RORB: variants seen among roughly 807,000 people sequenced by gnomAD.
The protein encoded by RORB is RAR related orphan receptor B, also known as nuclear receptor ROR-beta.
RORB carries 6 observed loss-of-function variants against 59.1 expected under a neutral mutation model. The observed-to-expected ratio is 0.10, with a 90% CI of 0.06 to 0.20. RORB has a LOEUF of 0.20. RORB is among the 10% of genes least tolerant of loss of function. The pLI, the probability that RORB is intolerant of heterozygous loss-of-function variation, is 1.00. For synonymous variants in RORB, 215 were observed against 204.5 expected (o/e 1.05, Z -0.44); for missense variants, 320 against 560.5 (o/e 0.57, Z 4.33).
At chr9:74,661,826 T>C (rs988340398) in intron 5 of RORB, among the ~76,000 whole-genome samples, 2 of 151,702 alleles carry the variant, frequency 1.3e-5, no homozygotes, top group African/African-American at 4.8e-5. Flanking sequence ...TTTGTATTTT[T>C]AGTAGAGACA....
chr9:74,640,573 G>A (rs978165381), intron 3 of RORB, among the ~76,000 whole-genome samples: 16 of 152,044 alleles, frequency 1.1e-4, no homozygotes, highest in Non-Finnish European at 1.3e-4. Flanking sequence ...GCAAGCCACC[G>A]CACCCAGCCC....
At chr9:74,608,075 A>G (rs773312127) in intron 1 of RORB, among the ~76,000 whole-genome samples, 4 of 152,190 alleles carry the variant, frequency 2.6e-5, no homozygotes, top group Non-Finnish European at 5.9e-5. Flanking sequence ...TGAAAGTTCC[A>G]TGAAGTAAGG....
chr9:74,666,519 G>T (rs760244201), intron 7 of RORB, among the ~76,000 whole-genome samples: 4 of 151,554 alleles, frequency 2.6e-5, no homozygotes, highest in Admixed American at 6.6e-5. Flanking sequence ...GAGTAAAAGA[G>T]CTGGGCTGAA....
chr9:74,624,270 C>T (rs556068129), intron 1 of RORB, among the ~76,000 whole-genome samples: 1 of 152,226 alleles, frequency 6.6e-6, no homozygotes, highest in South Asian at 2.1e-4. Flanking sequence ...CAGCCCACCA[C>T]CCAGAGTATT....
intron 1 of RORB, among the ~76,000 whole-genome samples, chr9:74,561,889 C>G (rs1032130576): frequency 6.6e-6 from 1 of 152,168 alleles, no homozygotes; most frequent in East Asian, 1.9e-4. Flanking sequence ...TTTCTTGTCT[C>G]TCATGACCTT....
intron 4 of RORB, among the ~76,000 whole-genome samples, chr9:74,650,277 C>G (rs1461761868): frequency 6.6e-6 from 1 of 152,174 alleles, no homozygotes; most frequent in East Asian, 1.9e-4. Context: ...CAAGCTTTGA[C>G]ATTGGCTTTT....
intron 1 of RORB, among the ~76,000 whole-genome samples, chr9:74,519,300 T>C (rs1826052075): frequency 6.6e-6 from 1 of 151,988 alleles, no homozygotes; most frequent in Admixed American, 6.6e-5. Flanking sequence ...GGGAAGTATT[T>C]AGAGAAGTCA....
intron 3 of RORB, among the ~76,000 whole-genome samples, chr9:74,641,725 G>GC (rs1370964324): frequency 6.6e-6 from 1 of 151,318 alleles, no homozygotes; most frequent in Admixed American, 6.6e-5. Context: ...ATATAGCAAG[G>GC]CCCCGGCTCT....
chr9:74,623,878 A>T (rs1823464819), intron 1 of RORB, among the ~76,000 whole-genome samples: 1 of 152,224 alleles, frequency 6.6e-6, no homozygotes, highest in Non-Finnish European at 1.5e-5. Context: ...TTCCTAAAGT[A>T]TGAGTTCAAA....
chr9:74,501,031 T>G (rs1259847823), intron 1 of RORB, among the ~76,000 whole-genome samples: 1 of 152,066 alleles, frequency 6.6e-6, no homozygotes, highest in East Asian at 1.9e-4. Flanking sequence ...GAGAAAGAAG[T>G]GAGCCGAGGT....
intron 1 of RORB, among the ~76,000 whole-genome samples, chr9:74,599,460 A>G (rs1487691078): frequency 6.6e-6 from 1 of 152,196 alleles, no homozygotes; most frequent in Non-Finnish European, 1.5e-5. Flanking sequence ...TGACATTATG[A>G]GTGCTATCTA....
chr9:74,618,490 T>C (rs780886221), intron 1 of RORB, among the ~76,000 whole-genome samples: 2 of 152,232 alleles, frequency 1.3e-5, no homozygotes. Flanking sequence ...AAATTGGTTC[T>C]GATCACTATA....
chr9:74,610,954 G>A (rs1012772033), intron 1 of RORB, among the ~76,000 whole-genome samples: 1 of 152,162 alleles, frequency 6.6e-6, no homozygotes, highest in South Asian at 2.1e-4. Flanking sequence ...AAGAACCTCC[G>A]TGGGATGGTT....
chr9:74,624,201 A>T (rs1423362013), intron 1 of RORB, among the ~76,000 whole-genome samples: 1 of 152,194 alleles, frequency 6.6e-6, no homozygotes, highest in African/African-American at 2.4e-5. Context: ...AATAATATAA[A>T]GCCAAATGTA....
intron 1 of RORB, among the ~76,000 whole-genome samples, chr9:74,622,722 T>C (rs941449843): frequency 3.3e-5 from 5 of 151,876 alleles, no homozygotes; most frequent in African/African-American, 4.8e-5. Context: ...AGACAGGGTT[T>C]CACCATGTTG....
At chr9:74,634,113 G>A (rs901649648) in intron 2 of RORB, among the ~76,000 whole-genome samples, 1 of 142,134 alleles carries the variant, frequency 7.0e-6, no homozygotes, top group Non-Finnish European at 1.6e-5. Context: ...AGCTGCATTC[G>A]AGCCAAATTC....
intron 4 of RORB, among the ~76,000 whole-genome samples, chr9:74,660,086 AAATTT>A (rs1479388630): frequency 6.6e-6 from 1 of 152,130 alleles, no homozygotes; most frequent in African/African-American, 2.4e-5. Context: ...TATTATCAGA[AAATTT>A]AATTTGTTTC....
chr9:74,642,772 C>A lies in RORB; in HGVS notation c.594C>A (p.Phe198Leu). The A allele has an allele frequency of 6.2e-7, 1 of 1,608,970 alleles. No individual in the cohort carries two copies. The highest frequency in any genetic ancestry group is 8.5e-7 in the Non-Finnish European group (1 of 1,176,148). ...SVPNLFTYSS[F>L]NNGQLAPGIT... ...CCAACTTGTTTACCTATAGCTCTTT[C>A]AACAATGGGCAGTTAGCACCAGGGA... Residue 198 changes from phenylalanine (F) to leucine (L), a missense_variant, in exon 4 of 10, where the codon TTC becomes TTA. Transcript: ENST00000376896.
At chr9:74,559,407 C>T (rs1563937442) in intron 1 of RORB, among the ~76,000 whole-genome samples, 1 of 152,150 alleles carries the variant, frequency 6.6e-6, no homozygotes, top group Non-Finnish European at 1.5e-5. Flanking sequence ...GAAAATGAGA[C>T]TGGTATTGCG....
Sources: allele counts gnomAD v4.1 joint callset (sites outside exome capture counted in the v4.1 genomes callset), GRCh38; gene constraint gnomAD v4.1.1; transcripts MANE v1.5; gene names NCBI Gene and HGNC (gene_info 2026-07-23, HGNC 2026-07-21).